SLC2A14: variants seen among roughly 807,000 people sequenced by gnomAD.
SLC2A14 encodes solute carrier family 2 member 14, also known as solute carrier family 2, facilitated glucose transporter member 14.
A neutral mutation model predicts 43.0 loss-of-function variants in SLC2A14; 13 were observed. The ratio of observed to expected loss-of-function variants is 0.30; its 90% CI spans 0.20 to 0.48. The LOEUF is 0.48. SLC2A14 is among the 20% of genes least tolerant of loss of function. SLC2A14 has a pLI of 0.99. For missense variants in SLC2A14, 428 were observed against 620.4 expected, an observed-to-expected ratio of 0.69 and a Z score of 3.29; for synonymous variants, 190 against 233.8, an observed-to-expected ratio of 0.81 and a Z score of 1.71.
At chr12:7,872,927 G>A, upstream of SLC2A14, 1 of 985,496 alleles carries the variant, frequency 1.0e-6, no homozygotes, top group Non-Finnish European at 1.2e-6. Flanking sequence ...GCCTCGAAAA[G>A]CCTAGGATTC....
chr12:7,875,213 A>AAAATATATT (rs1183801993), upstream of SLC2A14, among the ~76,000 whole-genome samples: 73 of 89,514 alleles, frequency 8.2e-4, 3 homozygotes, highest in South Asian at 0.022. Context: ...ATTTATATTT[A>AAAATATATT]TATATTTATA....
chr12:7,880,294 C>T (rs1945542526), intron 1 of SLC2A14, among the ~76,000 whole-genome samples: 2 of 151,466 alleles, frequency 1.3e-5, no homozygotes, highest in Admixed American at 6.6e-5. Flanking sequence ...GAGCAAAACT[C>T]CGTCTCAAAA....
chr12:7,823,741 T>C (rs1487229041), intron 7 of SLC2A14, among the ~76,000 whole-genome samples: 1 of 151,438 alleles, frequency 6.6e-6, no homozygotes, highest in East Asian at 2.0e-4. Context: ...AAAAGAAATA[T>C]TGAAATATTG....
At chr12:7,858,361 T>C (rs1360656810) in intron 2 of SLC2A14, among the ~76,000 whole-genome samples, 1 of 152,142 alleles carries the variant, frequency 6.6e-6, no homozygotes, top group Non-Finnish European at 1.5e-5. Context: ...TGTATTTTAT[T>C]ACTGAGTTGT....
chr12:7,830,212 G>T (rs1190852998), intron 4 of SLC2A14, among the ~76,000 whole-genome samples: 1 of 151,004 alleles, frequency 6.6e-6, no homozygotes, highest in Non-Finnish European at 1.5e-5. Context: ...GAGTGCAGTG[G>T]CGCGATCTCC....
In SLC2A14 at chr12:7,823,013, A is replaced by T. The variant is rs117695487; in HGVS notation, c.865-1688T>A. Among the ~76,000 whole-genome samples the T allele has an allele frequency of 7.3e-4, 111 of 152,308 alleles. No individual in the cohort carries two copies. In the East Asian group the frequency reaches 0.018, roughly 24 times the overall value. The stretch of plus-strand genomic sequence containing the variant: ...CCCTTTTGAAGTGTTTTATGAAATA[A>T]TACCAGCTACTATTGCAATTTAATA... On this transcript the variant is annotated intron_variant, in intron 7 of 10. Transcript: ENST00000431042.
At chr12:7,844,251 A>G (rs1866262965) in intron 2 of SLC2A14, among the ~76,000 whole-genome samples, 1 of 152,044 alleles carries the variant, frequency 6.6e-6, no homozygotes, top group Admixed American at 6.6e-5. Context: ...TACAGTATGT[A>G]CTCTTTTGTG....
intron 1 of SLC2A14, chr12:7,871,390 C>T (rs1239831128): frequency 9.0e-6 from 3 of 333,518 alleles, no homozygotes; most frequent in Non-Finnish European, 1.5e-5. Flanking sequence ...CCCCAGCCCT[C>T]GCGACACCCT....
intron 2 of SLC2A14, among the ~76,000 whole-genome samples, chr12:7,868,917 G>T (rs1344879898): frequency 6.6e-6 from 1 of 152,108 alleles, no homozygotes; most frequent in Non-Finnish European, 1.5e-5. Flanking sequence ...GGCCGAGGCG[G>T]GCAGATCACC....
intron 2 of SLC2A14, among the ~76,000 whole-genome samples, chr12:7,857,327 G>A (rs541474428): frequency 1.3e-5 from 2 of 151,968 alleles, no homozygotes; most frequent in Non-Finnish European, 1.5e-5. Context: ...GGTGGCTCAC[G>A]CCTGTAATCC....
intron 7 of SLC2A14, among the ~76,000 whole-genome samples, chr12:7,826,879 T>TTC (rs1226387465): frequency 0.016 from 983 of 60,916 alleles, 109 homozygotes; most frequent in Non-Finnish European, 0.023. Flanking sequence ...CTTTCTTTCT[T>TTC]TCTTTCTTTC....
chr12:7,888,869 G>A (rs961162708), intron 1 of SLC2A14, among the ~76,000 whole-genome samples: 10 of 150,870 alleles, frequency 6.6e-5, no homozygotes, highest in Non-Finnish European at 1.2e-4. Context: ...TTAATTTAAA[G>A]CTTACAGTCC....
chr12:7,880,908 G>T (rs1234900480), intron 1 of SLC2A14, among the ~76,000 whole-genome samples: 1 of 151,966 alleles, frequency 6.6e-6, no homozygotes, highest in Non-Finnish European at 1.5e-5. Flanking sequence ...GCCAGGCTGA[G>T]GCGGGTGGAT....
chr12:7,872,776 C>A, intron 1 of SLC2A14, 31 bp downstream of exon 1: 1 of 985,522 alleles, frequency 1.0e-6, no homozygotes, highest in Non-Finnish European at 1.2e-6. Flanking sequence ...TCCCGCACCC[C>A]CCGGCCGCAG....
At chr12:7,836,394 G>A (rs1240380777) in intron 2 of SLC2A14, among the ~76,000 whole-genome samples, 1 of 150,578 alleles carries the variant, frequency 6.6e-6, no homozygotes, top group African/African-American at 2.4e-5. Flanking sequence ...CTAATTTTTT[G>A]TATTTTTAGT....
intron 4 of SLC2A14, among the ~76,000 whole-genome samples, chr12:7,830,619 G>C (rs1592184829): frequency 1.3e-5 from 2 of 151,998 alleles, no homozygotes; most frequent in South Asian, 4.2e-4. Context: ...CTGGGTGACA[G>C]AGCAAGACCC....
chr12:7,815,643 C>T (rs1863373608), intron 10 of SLC2A14, among the ~76,000 whole-genome samples: 1 of 152,060 alleles, frequency 6.6e-6, no homozygotes, highest in Non-Finnish European at 1.5e-5. Flanking sequence ...ATGGCATGAG[C>T]TCCGCTCACA....
intron 2 of SLC2A14, among the ~76,000 whole-genome samples, chr12:7,867,396 A>G (rs1944985513): frequency 6.6e-6 from 1 of 151,660 alleles, no homozygotes; most frequent in South Asian, 2.1e-4. Context: ...GATGACTTTG[A>G]TGGGTTCAAG....
At chr12:7,871,243 A>G in intron 1 of SLC2A14, 1 of 1,220,406 alleles carries the variant, frequency 8.2e-7, no homozygotes, top group Non-Finnish European at 1.0e-6. Flanking sequence ...GCTCACCACC[A>G]TGGGTGACAG....
Sources: gnomAD v4.1 joint callset for allele counts (sites outside exome capture counted in the v4.1 genomes callset) on GRCh38, gnomAD v4.1.1 for gene constraint, MANE v1.5 for transcripts, NCBI Gene and HGNC (gene_info 2026-07-23, HGNC 2026-07-21) for gene names.